AGL: variants seen among roughly 807,000 people sequenced by gnomAD.
AGL encodes amylo-alpha-1,6-glucosidase and 4-alpha-glucanotransferase.
Under a neutral mutation model 199.3 loss-of-function variants are expected in AGL, and 128 were observed. That is an observed-to-expected ratio of 0.64 (90% CI 0.56 to 0.74). AGL has a LOEUF of 0.74. Ranked by LOEUF, AGL falls within the 30% of genes least tolerant of loss-of-function variation. The pLI is 0.00. For missense variants in AGL, 1,809 were observed against 1,820.8 expected (o/e 0.99, Z 0.12); for synonymous variants, 584 against 594.7 (o/e 0.98, Z 0.26).
At position 99,899,934 on chromosome 1, in the gene AGL, T is replaced by C. The variant is rs563651964; in HGVS notation, c.3363-702T>C. ...CACGCCCGGCCTTCTTTCTTTTCTT[T>C]CTTCTTTTTTTTTTTGATAGAGTCT... On this transcript the variant is annotated intron_variant, in intron 25 of 33. Transcript: ENST00000361915. Among the ~76,000 whole-genome samples, 8 of 151,678 alleles carry C rather than the reference T, an allele frequency of 5.3e-5. No individual in the cohort carries two copies. In the South Asian group the frequency reaches 1.5e-3, roughly 28 times the overall value.
At chr1:99,853,000 A>G (rs1649106970) in intron 2 of AGL, among the ~76,000 whole-genome samples, 1 of 152,126 alleles carries the variant, frequency 6.6e-6, no homozygotes, top group Admixed American at 6.5e-5. Context: ...CCATTTTTAT[A>G]GTTCCCAGGG....
intron 26 of AGL, among the ~76,000 whole-genome samples, chr1:99,901,931 C>G (rs1653873128): frequency 6.6e-6 from 1 of 152,048 alleles, no homozygotes; most frequent in Non-Finnish European, 1.5e-5. Context: ...TAGGTTCATG[C>G]TATCAGGCAG....
At chr1:99,917,505 T>C (rs955097088) in intron 33 of AGL, among the ~76,000 whole-genome samples, 3 of 152,200 alleles carry the variant, frequency 2.0e-5, no homozygotes, top group African/African-American at 7.2e-5. Flanking sequence ...GGCCTTGCTC[T>C]CGTGTAGCAC....
intron 10 of AGL, among the ~76,000 whole-genome samples, chr1:99,875,839 AT>A (rs34531887): frequency 0.52 from 78,335 of 151,988 alleles, 20,634 homozygotes; most frequent in East Asian, 0.67. Context: ...TTTTTTAAAA[AT>A]ATCTTTGCAA....
intron 27 of AGL, among the ~76,000 whole-genome samples, chr1:99,904,311 T>C (rs1188787745): frequency 6.6e-6 from 1 of 152,174 alleles, no homozygotes; most frequent in African/African-American, 2.4e-5. Context: ...ATGCATTGTT[T>C]TATGTTCATG....
rs182159073 is a variant in AGL at position 99,875,190 on chromosome 1, G to T, written c.1119G>T (p.Trp373Cys). 5 of 1,614,136 alleles carry T rather than the reference G, an allele frequency of 3.1e-6. No individual in the cohort carries two copies. The Admixed American group carries it at 8.3e-5, about 27-fold the overall frequency. ...GPAAIEECCN[W>C]FHKRMEELNS... is the part of the protein sequence containing the mutation. ...CAGCAATTGAAGAATGCTGTAATTGGTTTCATAAAAGAATGGAGGAATTAA... is the reference window on the plus strand; with the variant it reads ...CAGCAATTGAAGAATGCTGTAATTGTTTTCATAAAAGAATGGAGGAATTAA... The change falls in exon 9 of 34, where the codon TGG (tryptophan) becomes TGT (cysteine). Residue 373 changes from tryptophan to cysteine, a missense_variant. Physicochemically the swap from Trp to Cys is radical, Grantham distance 215 (BLOSUM62 -2). Transcript: ENST00000361915.
chr1:99,914,411 G>A (rs1654961491), intron 30 of AGL, among the ~76,000 whole-genome samples: 1 of 152,200 alleles, frequency 6.6e-6, no homozygotes, highest in Non-Finnish European at 1.5e-5. Context: ...ACTCTCTGCT[G>A]TTTTAAATCT....
At chr1:99,888,133 G>A in intron 21 of AGL, 25 bp downstream of exon 21, 1 of 1,610,734 alleles carries the variant, frequency 6.2e-7, no homozygotes, top group South Asian at 1.1e-5. Flanking sequence ...GGATAGCTGA[G>A]CTTTGTGTTT....
In AGL at chr1:99,856,969, G is replaced by A. The variant is rs191703647; in HGVS notation, c.83-4534G>A. 1.9e-3 allele frequency among the ~76,000 whole-genome samples: 292 copies of A among 152,346 alleles called. 2 individuals carry two copies. Among genetic ancestry groups the A allele is most frequent in the African/African-American group, 6.5e-3 (271 of 41,590 alleles). On this transcript the variant is annotated intron_variant, in intron 2 of 33. Transcript: ENST00000361915. ...GAGCTGTTGGGTACACCTCCCAGAC[G>A]GGGTGGTGGCTAGGCAGAGGGGCTC...
Position 99,899,391 on chromosome 1 carries a change from A to G in AGL, c.3363-1245A>G, listed in dbSNP as rs976211414. Among the ~76,000 whole-genome samples, 5 of 152,260 alleles carry G rather than the reference A, an allele frequency of 3.3e-5. No homozygotes were observed. The South Asian group carries it at 8.3e-4, about 25-fold the overall frequency. On this transcript the variant is annotated intron_variant, in intron 25 of 33. Coordinates refer to ENST00000361915, the MANE Select transcript of AGL (RefSeq NM_000642.3). The stretch of plus-strand genomic sequence containing the variant: ...TAGAGTGCCTTTCTGTCTTACAAAC[A>G]AAATTTTCATTTGGTATATAATAGT...
chr1:99,879,048 A>G (rs1395671269), intron 12 of AGL, among the ~76,000 whole-genome samples: 1 of 152,172 alleles, frequency 6.6e-6, no homozygotes, highest in African/African-American at 2.4e-5. Context: ...ATTTTTTATT[A>G]TAAACCAGTG....
intron 25 of AGL, among the ~76,000 whole-genome samples, chr1:99,897,617 G>A (rs557230243): frequency 2.2e-4 from 34 of 152,220 alleles, no homozygotes; most frequent in Middle Eastern, 3.4e-3. Context: ...AGAAATTTAG[G>A]AAGCTGTTTG....
intron 26 of AGL, among the ~76,000 whole-genome samples, chr1:99,901,176 C>A (rs1268991732): frequency 6.6e-6 from 1 of 151,598 alleles, no homozygotes; most frequent in African/African-American, 2.4e-5. Context: ...TAGAAAGTAG[C>A]TAAAGTTTCA....
intron 5 of AGL, 31 bp from the exon 6 acceptor site, chr1:99,870,369 G>A (rs1392227757): frequency 1.3e-6 from 2 of 1,595,604 alleles, no homozygotes; most frequent in Non-Finnish European, 1.7e-6. Context: ...TTAATTATGA[G>A]ATACTCCTTT....
rs1651527654 is a variant in AGL at position 99,876,333 on chromosome 1, A to G, written c.1284-125A>G. On this transcript the variant is annotated intron_variant, in intron 10 of 33. Transcript: ENST00000361915. ...TGACCTATATTGAAGTTTTTTTCCT[A>G]TAAATAGCATCAAACTTATTTTATT... is the stretch of plus-strand genomic sequence containing the variant. The G allele has an allele frequency of 1.4e-5, 11 of 770,740 alleles. No homozygotes were observed. The East Asian group carries it at 3.0e-4, about 21-fold the overall frequency. The allele number at this position is 770,740 out of a possible 1,614,324, so 47.7% of individuals were successfully genotyped here.
chr1:99,862,329 A>G lies in AGL; in HGVS notation c.366A>G (p.Leu122=), dbSNP rs1386596170. 2 of 1,613,768 alleles carry G rather than the reference A, an allele frequency of 1.2e-6. No individual in the cohort carries two copies. Among genetic ancestry groups the G allele is most frequent in the African/African-American group, 2.7e-5 (2 of 74,840 alleles). Residue 122 remains leucine, a synonymous_variant, in exon 4 of 34, where the codon CTA becomes CTG. Coordinates refer to ENST00000361915, the MANE Select transcript of AGL (RefSeq NM_000642.3). ...ILRVGADNHV[L]PLDCVTLQTF... is the part of the protein sequence containing the mutation. Reference sequence around the variant, plus strand: ...GTGTTGGTGCTGATAATCATGTGCTACCCTTGGACTGTGTTACTCTTCAGA... The same window carrying G: ...GTGTTGGTGCTGATAATCATGTGCTGCCCTTGGACTGTGTTACTCTTCAGA...
At chr1:99,877,055 A>G (rs1651605934) in intron 11 of AGL, among the ~76,000 whole-genome samples, 1 of 152,170 alleles carries the variant, frequency 6.6e-6, no homozygotes, top group African/African-American at 2.4e-5. Flanking sequence ...TTGTGTTTCT[A>G]TAGCTATTTC....
chr1:99,897,385 A>G (rs187526344), intron 25 of AGL, among the ~76,000 whole-genome samples: 36 of 152,336 alleles, frequency 2.4e-4, no homozygotes, highest in Admixed American at 2.3e-3. Flanking sequence ...CTGAAGTTTG[A>G]AAGCACTGCT....
chr1:99,891,165 T>G, intron 21 of AGL, 55 bp from the exon 22 acceptor site: 1 of 1,609,330 alleles, frequency 6.2e-7, no homozygotes, highest in Non-Finnish European at 8.5e-7. Flanking sequence ...CTAGAGGATA[T>G]AGGAACAAAT....
Sources: allele counts gnomAD v4.1 joint callset (sites outside exome capture counted in the v4.1 genomes callset), GRCh38; gene constraint gnomAD v4.1.1; transcripts MANE v1.5; gene names NCBI Gene and HGNC (gene_info 2026-07-23, HGNC 2026-07-21).